APBA3: variants seen among roughly 807,000 people sequenced by gnomAD.
APBA3 encodes the protein amyloid-beta A4 precursor protein-binding family A member 3.
In APBA3, 45 loss-of-function variants were observed where a neutral mutation model predicts 55.9. The observed-to-expected ratio is 0.80, with a 90% confidence interval of 0.63 to 1.03. The LOEUF (loss-of-function observed/expected upper bound fraction) is 1.03, where lower values mean the gene tolerates loss of function less well. Ranked by LOEUF, APBA3 falls within the 50% of genes least tolerant of loss-of-function variation. The pLI is 0.00. For missense variants in APBA3, 865 were observed against 820.3 expected (o/e 1.05, Z -0.67); for synonymous variants, 370 against 353.3 (o/e 1.05, Z -0.53).
Position 3,760,024 on chromosome 19 carries a change from AG to A in APBA3, c.240del (p.Cys81ValfsTer52). ...DLVGPSPGGA[P>X]CPLHIATGHG... The stretch of plus-strand genomic sequence containing the variant: ...TGGCCTGTGGCAATGTGTAGGGGAC[AG>A]GGGGCTCCACCTGGGGATGGGCCCA... On this transcript the variant is annotated frameshift_variant, in exon 2 of 11. Transcript: ENST00000316757. LOFTEE classifies it high-confidence loss of function. The A allele has an allele frequency of 1.9e-6, 3 of 1,613,108 alleles. No individual in the cohort carries two copies. The highest frequency in any genetic ancestry group is 2.5e-6 in the Non-Finnish European group (3 of 1,179,944).
chr19:3,752,093 G>A (rs1568391777), intron 8 of APBA3, among the ~76,000 whole-genome samples: 3 of 152,106 alleles, frequency 2.0e-5, no homozygotes, highest in Non-Finnish European at 4.4e-5. Context: ...GCACACCTGT[G>A]GTCCCAGCTA....
chr19:3,752,918 T>C lies in APBA3; in HGVS notation c.1084A>G (p.Ile362Val). Residue 362 changes from isoleucine to valine, a missense_variant, in exon 7 of 11, where the codon ATT (isoleucine) becomes GTT (valine). Transcript: ENST00000316757. ...TGCACGCCCACCTGGCTGGGGTCAA[T>C]ACCGCTTTCCCGTAGGAACTGGCTG... The part of the protein sequence containing the change: ...AYSQFLRESG[I>V]DPSQVGVHPS... 1.2e-6 allele frequency: 2 copies of C among 1,613,394 alleles called. No homozygotes were observed. The highest frequency in any genetic ancestry group is 1.1e-5 in the South Asian group (1 of 91,092).
chr19:3,754,551 C>T (rs748559022), intron 3 of APBA3: 2 of 587,756 alleles, frequency 3.4e-6, no homozygotes, highest in South Asian at 2.6e-5. Flanking sequence ...CTCAAGGACT[C>T]GCAGGTGGGA....
At chr19:3,753,107 G>C in intron 6 of APBA3, 117 bp from the exon 7 acceptor site, 1 of 1,197,442 alleles carries the variant, frequency 8.4e-7, no homozygotes, top group Non-Finnish European at 1.2e-6. Context: ...AGAGTCCCAG[G>C]ACACAGCCTT....
At chr19:3,753,484 T>G in intron 6 of APBA3, 1 of 422,644 alleles carries the variant, frequency 2.4e-6, no homozygotes. Context: ...CGTGTCTCTA[T>G]AAAAAATACA....
chr19:3,753,366 G>C (rs1282733758), intron 6 of APBA3: 1 of 376,640 alleles, frequency 2.7e-6, no homozygotes, highest in Non-Finnish European at 4.8e-6. Context: ...TAGGAGGCTG[G>C]ACGCGGTGGC....
At chr19:3,759,252 C>T (rs569977544) in intron 3 of APBA3, among the ~76,000 whole-genome samples, 21 of 152,280 alleles carry the variant, frequency 1.4e-4, no homozygotes, top group African/African-American at 5.1e-4. Context: ...AACGCAAAAA[C>T]CATCTTTAAC....
At chr19:3,751,780 C>A in intron 8 of APBA3, 1 of 555,004 alleles carries the variant, frequency 1.8e-6, no homozygotes, top group East Asian at 3.2e-5. Flanking sequence ...AAAAGCCAAG[C>A]CGACAGCCGG....
At chr19:3,761,146 T>C (rs1426013271) in intron 1 of APBA3, among the ~76,000 whole-genome samples, 10 of 152,204 alleles carry the variant, frequency 6.6e-5, no homozygotes, top group East Asian at 3.9e-4. Flanking sequence ...TCTCAACTAA[T>C]GGAGTCTGTT....
At chr19:3,751,142 G>A (rs1042586606) in intron 10 of APBA3, 45 bp from the exon 11 acceptor site, 13 of 1,555,704 alleles carry the variant, frequency 8.4e-6, no homozygotes, top group South Asian at 5.9e-5. Flanking sequence ...GCCTGGGCTC[G>A]TGGGGGACGT....
At position 3,759,760 on chromosome 19, in the gene APBA3, T is replaced by G; in HGVS notation, c.505A>C (p.Ser169Arg). 1.2e-6 allele frequency: 2 copies of G among 1,612,654 alleles called. No homozygotes were observed. Among genetic ancestry groups the G allele is most frequent in the Non-Finnish European group, 1.7e-6 (2 of 1,179,818 alleles). ...TCCAGCCAGGGTTCCGGGGAACTGC[T>G]TGAGCTCCTGCTGCCCTCCTGCTCA... is the stretch of plus-strand genomic sequence containing the variant. ...SAEQEGSRSS[S>R]SSPEPWLETV... The change falls in exon 2 of 11, where the codon AGC becomes CGC. Residue 169 changes from serine to arginine, a missense_variant. Coordinates refer to ENST00000316757, the MANE Select transcript of APBA3 (RefSeq NM_004886.4).
chr19:3,751,020 A>G lies in APBA3; in HGVS notation c.*6T>C, dbSNP rs781624059. ...AAGGCACAGTGGCAGGCAAGGGATGAGGTGGTCACAGGTACACGGGCTGCT... is the reference window on the plus strand; with the variant it reads ...AAGGCACAGTGGCAGGCAAGGGATGGGGTGGTCACAGGTACACGGGCTGCT... On this transcript the variant is annotated 3_prime_UTR_variant, in exon 11 of 11. Coordinates refer to ENST00000316757, the MANE Select transcript of APBA3 (RefSeq NM_004886.4). The G allele has an allele frequency of 2.6e-6, 4 of 1,557,158 alleles. No homozygotes were observed. The highest frequency in any genetic ancestry group is 1.9e-5 in the Admixed American group (1 of 51,558).
chr19:3,752,172 G>A (rs1319395582), intron 8 of APBA3, among the ~76,000 whole-genome samples: 4 of 152,130 alleles, frequency 2.6e-5, no homozygotes, highest in Non-Finnish European at 5.9e-5. Flanking sequence ...CAGGTGCACC[G>A]CTGCACTCCA....
chr19:3,754,335 C>T lies in APBA3; in HGVS notation c.622G>A (p.Gly208Ser), dbSNP rs866125587. 1.3e-6 allele frequency: 2 copies of T among 1,558,630 alleles called. No homozygotes were observed. The highest frequency in any genetic ancestry group is 1.2e-5 in the South Asian group (1 of 84,230). The change falls in exon 4 of 11, where the codon GGT becomes AGT. Residue 208 changes from glycine to serine, a missense_variant. Physicochemically the swap from Gly to Ser is moderately conservative, Grantham distance 56. Transcript: ENST00000316757. ...AGGAGGTCTTCATGGTCACAGGGAC[C>T]AGGCACTGAGGGCGACAGCGAAGAG... ...ASYPAPQEVP[G>S]PCDHEDLLDG... is the part of the protein sequence containing the mutation.
rs202201416 is a variant in APBA3 at position 3,759,858 on chromosome 19, G to C, written c.407C>G (p.Pro136Arg). The C allele has an allele frequency of 1.7e-5, 27 of 1,612,668 alleles. No individual in the cohort carries two copies. In the East Asian group the frequency reaches 4.9e-4, roughly 29 times the overall value. ...TGPEEPLEPA[P>R]RLLQPPEDPD... ...GTCCTCAGGGGGCTGCAACAGTCGG[G>C]GGGCAGGCTCTAGAGGCTCTTCAGG... The change falls in exon 2 of 11, where the codon CCC (proline) becomes CGC (arginine). Residue 136 changes from proline to arginine, a missense_variant. By Grantham distance (103) the Pro-to-Arg change is moderately radical (BLOSUM62 -2). Coordinates refer to ENST00000316757, the MANE Select transcript of APBA3 (RefSeq NM_004886.4).
chr19:3,760,196 G>T lies in APBA3; in HGVS notation c.69C>A (p.Asp23Glu). Residue 23 changes from aspartate to glutamate, a missense_variant, in exon 2 of 11, where the codon GAC (aspartate) becomes GAA (glutamate). Coordinates refer to ENST00000316757, the MANE Select transcript of APBA3 (RefSeq NM_004886.4). Reference protein sequence around the residue: ...PPAMDLEGPRDILVPSEDLTP... With the variant: ...PPAMDLEGPREILVPSEDLTP... ...TGAGGTCCTCCGAAGGCACAAGAATGTCCCTGGGCCCCTCCAAGTCCATGG... is the reference window on the plus strand; with the variant it reads ...TGAGGTCCTCCGAAGGCACAAGAATTTCCCTGGGCCCCTCCAAGTCCATGG... The T allele has an allele frequency of 6.2e-7, 1 of 1,612,734 alleles. No individual in the cohort carries two copies. Among genetic ancestry groups the T allele is most frequent in the South Asian group, 1.1e-5 (1 of 91,084 alleles).
chr19:3,757,291 G>A (rs2037089255), intron 3 of APBA3, among the ~76,000 whole-genome samples: 1 of 151,928 alleles, frequency 6.6e-6, no homozygotes, highest in Admixed American at 6.6e-5. Context: ...TATTTTTGTG[G>A]AGACAGGGTT....
In APBA3 at chr19:3,760,728, G is replaced by A. The variant is rs1253182883; in HGVS notation, c.-37-427C>T. Among the ~76,000 whole-genome samples the A allele has an allele frequency of 4.3e-5, 6 of 141,110 alleles. No homozygotes were observed. The East Asian group carries it at 1.3e-3, about 30-fold the overall frequency. 92.6% of individuals were successfully genotyped at this position (141,110 alleles called of 152,430 possible). A position where few individuals can be genotyped will look rare whatever the true frequency, so the allele number is the denominator to read the frequency against. On this transcript the variant is annotated intron_variant, in intron 1 of 10. Transcript: ENST00000316757. ...CGCGCCATTGCACTCCAAGGTGGGC[G>A]ACAGACGAGACTATCTCCAAAAAAA...
At position 3,753,975 on chromosome 19, in the gene APBA3, C is replaced by T. The variant is rs377252138; in HGVS notation, c.849+44G>A. The T allele has an allele frequency of 5.0e-5, 79 of 1,578,452 alleles. No homozygotes were observed. In the African/African-American group the frequency reaches 7.6e-4, roughly 15 times the overall value. ...GTGGGTTGGGGGGCCGTGCCAGGCT[C>T]GATCACCCCACCCGCATCCCTGGGG... is the stretch of plus-strand genomic sequence containing the variant. On this transcript the variant is annotated intron_variant, in intron 5 of 10. Transcript: ENST00000316757.
Sources: gnomAD v4.1 joint callset for allele counts (sites outside exome capture counted in the v4.1 genomes callset) on GRCh38, gnomAD v4.1.1 for gene constraint, MANE v1.5 for transcripts, NCBI Gene and HGNC (gene_info 2026-07-23, HGNC 2026-07-21) for gene names.